The following CRISPLD2 variants were observed in gnomAD, a reference collection of about 807,000 sequenced individuals.
CRISPLD2 encodes the protein cysteine rich secretory protein LCCL domain containing 2, also known as cysteine-rich secretory protein LCCL domain-containing 2.
A neutral mutation model predicts 71.1 loss-of-function variants in CRISPLD2; 47 were observed. The observed-to-expected ratio is 0.66, with a 90% CI of 0.52 to 0.84. The LOEUF (loss-of-function observed/expected upper bound fraction) is 0.84. Among genes scored for constraint, CRISPLD2 ranks in the 40% least tolerant of loss-of-function variants. CRISPLD2 has a pLI of 0.00. For synonymous variants in CRISPLD2, 317 were observed against 250.1 expected (o/e 1.27, Z -2.52); for missense variants, 830 against 651.1 (o/e 1.27, Z -2.99).
chr16:84,878,558 G>A (rs2071541413), intron 12 of CRISPLD2, among the ~76,000 whole-genome samples: 1 of 152,184 alleles, frequency 6.6e-6, no homozygotes, highest in African/African-American at 2.4e-5. Flanking sequence ...GTGGATACGT[G>A]ACAACGGGTT....
chr16:84,820,323 A>G (rs1197849191), intron 1 of CRISPLD2, among the ~76,000 whole-genome samples, 190 bp downstream of exon 1: 1 of 152,162 alleles, frequency 6.6e-6, no homozygotes, highest in Non-Finnish European at 1.5e-5. Flanking sequence ...CTCAGCGAGG[A>G]CAACTCATTT....
At chr16:84,873,850 G>A (rs1037906189) in intron 10 of CRISPLD2, 70 bp from the exon 11 acceptor site, 24 of 1,396,172 alleles carry the variant, frequency 1.7e-5, no homozygotes, top group East Asian at 2.3e-5. Flanking sequence ...AGGAGCAAGC[G>A]TTCACTTTTA....
rs577676747 is a variant in CRISPLD2 at position 84,882,834 on chromosome 16, C to G, written c.1305+2250C>G. Among the ~76,000 whole-genome samples the G allele has an allele frequency of 9.8e-5, 15 of 152,354 alleles. 1 individual carries two copies. The South Asian group carries it at 2.1e-3, about 21-fold the overall frequency. On this transcript the variant is annotated intron_variant, in intron 13 of 14. Coordinates refer to ENST00000262424, the MANE Select transcript of CRISPLD2 (RefSeq NM_031476.4). The stretch of plus-strand genomic sequence containing the variant: ...TCATAGTAACCTGTCCAAATCCACA[C>G]AGTGAGCACGTGGCAAAGGTGACAA...
intron 1 of CRISPLD2, among the ~76,000 whole-genome samples, chr16:84,828,673 A>C (rs1249333160): frequency 1.3e-5 from 2 of 152,082 alleles, no homozygotes; most frequent in African/African-American, 4.8e-5. Flanking sequence ...TTAATTTATT[A>C]CCTGGTCCCT....
At position 84,838,298 on chromosome 16, in the gene CRISPLD2, TG is replaced by T. The variant is rs72469269; in HGVS notation, c.-74-121del. ...TGGGACCTTGCTTGTTTAGCTTCTG[TG>T]GGCCTCAGTTTCCGCATCTGTAAAA... On this transcript the variant is annotated intron_variant, in intron 1 of 14. Transcript: ENST00000262424. The T allele has an allele frequency of 1.1e-3, 715 of 640,788 alleles. 3 individuals carry two copies. In the African/African-American group the frequency reaches 0.012, roughly 11 times the overall value. 39.7% of individuals were successfully genotyped at this position (640,788 alleles called of 1,614,324 possible).
intron 1 of CRISPLD2, among the ~76,000 whole-genome samples, chr16:84,832,552 G>C (rs150714566): frequency 6.6e-6 from 1 of 152,266 alleles, no homozygotes. Flanking sequence ...AACGAGACCC[G>C]CAGGTCTGCG....
chr16:84,862,550 C>T (rs1345969322), intron 6 of CRISPLD2, among the ~76,000 whole-genome samples: 1 of 152,072 alleles, frequency 6.6e-6, no homozygotes, highest in African/African-American at 2.4e-5. Flanking sequence ...CTATAAATAA[C>T]ACAGGTTTCT....
intron 5 of CRISPLD2, among the ~76,000 whole-genome samples, chr16:84,851,654 C>T (rs1159549050): frequency 6.6e-6 from 1 of 152,142 alleles, no homozygotes; most frequent in African/African-American, 2.4e-5. Flanking sequence ...ATGAGCGCAG[C>T]GGGTGTGTCA....
At chr16:84,879,304 C>G (rs1021820334) in intron 12 of CRISPLD2, among the ~76,000 whole-genome samples, 1 of 151,786 alleles carries the variant, frequency 6.6e-6, no homozygotes, top group African/African-American at 2.4e-5. Context: ...AATTTCTGAT[C>G]TGCCATTCCA....
intron 13 of CRISPLD2, among the ~76,000 whole-genome samples, chr16:84,888,354 C>T (rs766137004): frequency 2.0e-4 from 31 of 152,332 alleles, no homozygotes; most frequent in Middle Eastern, 3.4e-3. Context: ...AGCAACACAG[C>T]GAGACCTTGT....
In CRISPLD2 at chr16:84,907,791, C is replaced by G. The variant is rs1238588721; in HGVS notation, c.*1149C>G. ...CTCATGACAGCGAGAGATGGGAATA[C>G]ACTAGAAGGATCTCTTTTCCTGTTT... is the stretch of plus-strand genomic sequence containing the variant. On this transcript the variant is annotated 3_prime_UTR_variant, in exon 15 of 15. Coordinates refer to ENST00000262424, the MANE Select transcript of CRISPLD2 (RefSeq NM_031476.4). 1 of 152,126 alleles carries G rather than the reference C, an allele frequency of 6.6e-6. No individual in the cohort carries two copies. Among genetic ancestry groups the G allele is most frequent in the Non-Finnish European group, 1.5e-5 (1 of 68,026 alleles). 9.4% of individuals were successfully genotyped at this position (152,126 alleles called of 1,614,324 possible). A position where few individuals can be genotyped will look rare whatever the true frequency, so the allele number is the denominator to read the frequency against.
rs777452684 is a variant in CRISPLD2, at chr16:84,877,480, C to A, written c.1199C>A (p.Pro400Gln). The A allele has an allele frequency of 6.2e-6, 10 of 1,613,806 alleles. No individual in the cohort carries two copies. Reference protein sequence around the residue: ...DCYTTVAQLCPFEKPATHCPR... With the variant: ...DCYTTVAQLCQFEKPATHCPR... ...TACACGACCGTTGCTCAGCTGTGCC[C>A]GTTTGAAAAGCCAGCAACTCACTGC... The change falls in exon 12 of 15, where the codon CCG becomes CAG. Residue 400 changes from proline to glutamine, a missense_variant. Coordinates refer to ENST00000262424, the MANE Select transcript of CRISPLD2 (RefSeq NM_031476.4).
At chr16:84,866,780 T>C (rs1025710962) in intron 6 of CRISPLD2, 117 bp from the exon 7 acceptor site, 29 of 974,658 alleles carry the variant, frequency 3.0e-5, no homozygotes, top group Non-Finnish European at 4.5e-5. Flanking sequence ...GCTGAAATGA[T>C]TCTTTGTAAA....
rs1410708874 is a variant in CRISPLD2 at position 84,837,465 on chromosome 16, A to G, written c.-74-957A>G. ...GGAGTCTCGCTCTGTCGCCCAGGCTAGTGTGCAGTGGCGCAATCTCGGCTC... is the reference window on the plus strand; with the variant it reads ...GGAGTCTCGCTCTGTCGCCCAGGCTGGTGTGCAGTGGCGCAATCTCGGCTC... On this transcript the variant is annotated intron_variant, in intron 1 of 14. Coordinates refer to ENST00000262424, the MANE Select transcript of CRISPLD2 (RefSeq NM_031476.4). 4.9e-5 allele frequency among the ~76,000 whole-genome samples: 7 copies of G among 141,438 alleles called. No homozygotes were observed. The South Asian group carries it at 6.5e-4, about 13-fold the overall frequency. 92.8% of individuals were successfully genotyped at this position (141,438 alleles called of 152,430 possible).
rs371705818 is a variant in CRISPLD2 at position 84,906,550 on chromosome 16, A to G, written c.1440-38A>G. On this transcript the variant is annotated intron_variant, in intron 14 of 14. Transcript: ENST00000262424. ...AGAGTCCCTGCAGGAGGCCCTCCAG[A>G]TCTCTCAGTAACGGGCCCTCTTTCT... The G allele has an allele frequency of 8.2e-6, 13 of 1,578,812 alleles. No individual in the cohort carries two copies. In the African/African-American group the frequency reaches 1.5e-4, roughly 18 times the overall value.
At chr16:84,854,311 G>C (rs747070317) in intron 5 of CRISPLD2, among the ~76,000 whole-genome samples, 4 of 152,222 alleles carry the variant, frequency 2.6e-5, no homozygotes, top group Non-Finnish European at 5.9e-5. Flanking sequence ...TAAAAACTGG[G>C]AAACGCAAGC....
chr16:84,850,210 C>T (rs1011596703), intron 4 of CRISPLD2, among the ~76,000 whole-genome samples: 4 of 152,000 alleles, frequency 2.6e-5, no homozygotes, highest in African/African-American at 9.7e-5. Context: ...CCTGCCTCAG[C>T]CTCCTGAGTA....
intron 14 of CRISPLD2, among the ~76,000 whole-genome samples, chr16:84,905,235 C>G (rs1336592564): frequency 6.6e-6 from 1 of 152,200 alleles, no homozygotes; most frequent in Non-Finnish European, 1.5e-5. Flanking sequence ...CCACTGCACT[C>G]TGGCCTTGGT....
chr16:84,855,140 TCA>T (rs1185370875), intron 6 of CRISPLD2, among the ~76,000 whole-genome samples: 3 of 152,080 alleles, frequency 2.0e-5, no homozygotes, highest in Admixed American at 6.5e-5. Flanking sequence ...TCGTTAGCAT[TCA>T]CAGTTTCATA....
Sources: gnomAD v4.1 joint callset for allele counts (sites outside exome capture counted in the v4.1 genomes callset) on GRCh38, gnomAD v4.1.1 for gene constraint, MANE v1.5 for transcripts, NCBI Gene and HGNC (gene_info 2026-07-23, HGNC 2026-07-21) for gene names.